TXNRD1: variants seen among roughly 807,000 people sequenced by gnomAD.
TXNRD1 encodes thioredoxin reductase 1, cytoplasmic.
A neutral mutation model predicts 80.3 loss-of-function variants in TXNRD1; 57 were observed. That is an observed-to-expected ratio of 0.71 (90% confidence interval 0.57 to 0.89). The LOEUF (loss-of-function observed/expected upper bound fraction) is 0.89, where lower values mean the gene tolerates loss of function less well. TXNRD1 is among the 40% of genes least tolerant of loss of function. The pLI is 0.00. For missense variants in TXNRD1, 730 were observed against 803.0 expected, an observed-to-expected ratio of 0.91 and a Z score of 1.10; for synonymous variants, 291 against 285.2, an observed-to-expected ratio of 1.02 and a Z score of -0.20.
intron 16 of TXNRD1, among the ~76,000 whole-genome samples, chr12:104,341,985 G>A (rs1284797971): frequency 6.6e-6 from 1 of 152,182 alleles, no homozygotes; most frequent in African/African-American, 2.4e-5. Flanking sequence ...GATACACAGG[G>A]CAAGGTGGTT....
At chr12:104,334,962 G>A (rs901028260) in intron 15 of TXNRD1, among the ~76,000 whole-genome samples, 1 of 152,094 alleles carries the variant, frequency 6.6e-6, no homozygotes, top group Non-Finnish European at 1.5e-5. Context: ...TAACAAAAAA[G>A]AACAGGAGCA....
chr12:104,305,360 T>TA (rs11368015), intron 4 of TXNRD1, among the ~76,000 whole-genome samples: 2 of 150,868 alleles, frequency 1.3e-5, no homozygotes, highest in East Asian at 1.9e-4. Context: ...AAACAAAAGT[T>TA]AAAAAAAAAA....
At chr12:104,288,191 A>G (rs1328611107) in intron 3 of TXNRD1, among the ~76,000 whole-genome samples, 2 of 152,138 alleles carry the variant, frequency 1.3e-5, no homozygotes, top group East Asian at 1.9e-4. Flanking sequence ...GGGTTTCACC[A>G]TCTTGGCCAG....
intron 4 of TXNRD1, chr12:104,304,179 G>A (rs1386677247): frequency 4.3e-6 from 7 of 1,613,940 alleles, no homozygotes; most frequent in African/African-American, 1.3e-5. Flanking sequence ...GGCGTGAGCC[G>A]AACCAGAGAA....
intron 3 of TXNRD1, among the ~76,000 whole-genome samples, chr12:104,278,838 AACTGAGGAC>A (rs1409169746): frequency 6.6e-6 from 1 of 152,174 alleles, no homozygotes; most frequent in African/African-American, 2.4e-5. Context: ...ACCTTTATAA[AACTGAGGAC>A]CCCCTAACAT....
chr12:104,254,654 TA>T (rs2033211597), intron 2 of TXNRD1, among the ~76,000 whole-genome samples: 1 of 33,620 alleles, frequency 3.0e-5, no homozygotes, highest in African/African-American at 9.4e-5. Flanking sequence ...AATATATATA[TA>T]TATATATATA....
At chr12:104,234,435 C>T (rs988601733) in intron 1 of TXNRD1, among the ~76,000 whole-genome samples, 2 of 152,004 alleles carry the variant, frequency 1.3e-5, no homozygotes, top group East Asian at 1.9e-4. Flanking sequence ...GCTGAGACTA[C>T]AAGCACGCAC....
intron 2 of TXNRD1, among the ~76,000 whole-genome samples, chr12:104,252,688 ATATTTTTTTTTTTTTTT>A (rs2033151859): frequency 1.5e-5 from 1 of 65,732 alleles, no homozygotes; most frequent in East Asian, 6.1e-4. Flanking sequence ...ATATATATAT[ATATTTTTTTTTTTTTTT>A]TTTTTTTTTT....
intron 3 of TXNRD1, among the ~76,000 whole-genome samples, chr12:104,272,521 G>A (rs757396159): frequency 3.3e-5 from 5 of 152,268 alleles, no homozygotes; most frequent in Admixed American, 6.5e-5. Context: ...AAGTCCCGGC[G>A]CTGTGGCTCA....
rs554404105 is a variant in TXNRD1, at chr12:104,325,500, C to T, written c.1308+71C>T. 3.8e-4 allele frequency: 401 copies of T among 1,064,388 alleles called. 1 individual carries two copies. The South Asian group carries it at 5.1e-3, about 14-fold the overall frequency. 65.9% of individuals were successfully genotyped at this position (1,064,388 alleles called of 1,614,324 possible). A position where few individuals can be genotyped will look rare whatever the true frequency, so the allele number is the denominator to read the frequency against. ...ATGCTTATTGGGTATCTTATAGGAACTTAAAATGGCTCTTAGTGATTTCCA... is the reference window on the plus strand; with the variant it reads ...ATGCTTATTGGGTATCTTATAGGAATTTAAAATGGCTCTTAGTGATTTCCA... On this transcript the variant is annotated intron_variant, in intron 11 of 16. Transcript: ENST00000525566.
intron 3 of TXNRD1, chr12:104,280,477 T>G (rs1449309158): frequency 6.6e-6 from 1 of 152,228 alleles, no homozygotes; most frequent in Admixed American, 6.6e-5. Flanking sequence ...GCCATCTTTA[T>G]TTCTCTAAAT....
rs981990568 is a variant in TXNRD1 at position 104,348,492 on chromosome 12, G to A, written c.*71G>A. On this transcript the variant is annotated 3_prime_UTR_variant, in exon 17 of 17. Coordinates refer to ENST00000525566, the MANE Select transcript of TXNRD1 (RefSeq NM_001093771.3). ...TTTCCGTGCCCAAATCCAAGGCGAA[G>A]TTTTCTAGAGGGTTCTTGGGCTCTT... is the stretch of plus-strand genomic sequence containing the variant. 4.0e-6 allele frequency: 6 copies of A among 1,496,494 alleles called. No individual in the cohort carries two copies. The highest frequency in any genetic ancestry group is 5.6e-6 in the Non-Finnish European group (6 of 1,075,632). The allele number at this position is 1,496,494 out of a possible 1,614,324, so 92.7% of individuals were successfully genotyped here.
At chr12:104,217,605 C>T (rs2032246423) in intron 1 of TXNRD1, among the ~76,000 whole-genome samples, 1 of 152,168 alleles carries the variant, frequency 6.6e-6, no homozygotes, top group Non-Finnish European at 1.5e-5. Flanking sequence ...CCACTGCACC[C>T]AGCTGACCCT....
intron 1 of TXNRD1, among the ~76,000 whole-genome samples, chr12:104,230,277 C>T (rs2032588038): frequency 6.6e-6 from 1 of 152,008 alleles, no homozygotes; most frequent in Admixed American, 6.6e-5. Context: ...CCATGTTGGC[C>T]AGGATGGTCT....
chr12:104,315,832 A>G lies in TXNRD1; in HGVS notation c.666A>G (p.Gln222=), dbSNP rs771999542. The G allele has an allele frequency of 8.7e-6, 14 of 1,612,796 alleles. 1 individual carries two copies. Among genetic ancestry groups the G allele is most frequent in the Non-Finnish European group, 8.5e-6 (10 of 1,179,088 alleles). The change falls in exon 7 of 17, where the codon CAA becomes CAG. Residue 222 remains glutamine, a synonymous_variant. Transcript: ENST00000525566. ...VGCIPKKLMH[Q]AALLGQALQD... is the part of the protein sequence containing the mutation. ...GCATACCTAAAAAACTGATGCATCA[A>G]GCAGCTTTGTTAGGACAAGCCCTGC...
chr12:104,277,102 G>T (rs2135730762), intron 3 of TXNRD1, among the ~76,000 whole-genome samples: 1 of 151,760 alleles, frequency 6.6e-6, no homozygotes, highest in African/African-American at 2.4e-5. Flanking sequence ...TTTTTTAAAT[G>T]AAGCATAGGC....
intron 3 of TXNRD1, among the ~76,000 whole-genome samples, chr12:104,274,840 T>C (rs1316603711): frequency 6.6e-6 from 1 of 152,182 alleles, no homozygotes; most frequent in African/African-American, 2.4e-5. Flanking sequence ...ATCTGCACTT[T>C]TATGAGATGA....
chr12:104,307,238 T>C (rs575519543), intron 4 of TXNRD1, among the ~76,000 whole-genome samples: 2 of 152,226 alleles, frequency 1.3e-5, no homozygotes, highest in Non-Finnish European at 2.9e-5. Flanking sequence ...TGCTTGTTTC[T>C]TGCTAATACG....
rs186690651 is a variant in TXNRD1 at position 104,331,445 on chromosome 12, A to T, written c.1543-89A>T. ...TTTGGTAGAAATTTATTACTCTTAT[A>T]TCCTTTGTCAATTTTGACTTTTTTG... On this transcript the variant is annotated intron_variant, in intron 13 of 16. Coordinates refer to ENST00000525566, the MANE Select transcript of TXNRD1 (RefSeq NM_001093771.3). 7 of 750,016 alleles carry T rather than the reference A, an allele frequency of 9.3e-6. No individual in the cohort carries two copies. In the African/African-American group the frequency reaches 1.1e-4, roughly 11 times the overall value. 46.5% of individuals were successfully genotyped at this position (750,016 alleles called of 1,614,324 possible).
Sources: allele counts gnomAD v4.1 joint callset (sites outside exome capture counted in the v4.1 genomes callset), GRCh38; gene constraint gnomAD v4.1.1; transcripts MANE v1.5; gene names NCBI Gene and HGNC (gene_info 2026-07-23, HGNC 2026-07-21).